Variants in SLC2A13 observed in about 807,000 individuals in gnomAD.
SLC2A13 encodes solute carrier family 2 member 13, also known as proton myo-inositol cotransporter.
A neutral mutation model predicts 64.4 loss-of-function variants in SLC2A13; 32 were observed. The ratio of observed to expected loss-of-function variants is 0.50; its 90% CI spans 0.37 to 0.67. The LOEUF (loss-of-function observed/expected upper bound fraction) is 0.67. Ranked by LOEUF, SLC2A13 falls within the 30% of genes least tolerant of loss-of-function variation. The probability of loss-of-function intolerance (pLI) is 0.00; values close to 1 mark genes in which losing one functional copy is unlikely to be tolerated. For synonymous variants in SLC2A13, 338 were observed against 327.1 expected, an observed-to-expected ratio of 1.03 and a Z score of -0.36; for missense variants, 743 against 829.2, an observed-to-expected ratio of 0.90 and a Z score of 1.28.
chr12:40,019,304 T>A (rs1181881400), intron 3 of SLC2A13, among the ~76,000 whole-genome samples: 1 of 152,260 alleles, frequency 6.6e-6, no homozygotes. Flanking sequence ...AAGGATATTC[T>A]TAAGGACATT....
chr12:39,979,050 C>T (rs1946831175), intron 3 of SLC2A13, among the ~76,000 whole-genome samples: 1 of 151,788 alleles, frequency 6.6e-6, no homozygotes, highest in Non-Finnish European at 1.5e-5. Flanking sequence ...GAGGCACCCC[C>T]CAGCAGCGGC....
At chr12:39,990,819 G>A (rs1468684033) in intron 3 of SLC2A13, among the ~76,000 whole-genome samples, 1 of 152,118 alleles carries the variant, frequency 6.6e-6, no homozygotes, top group Non-Finnish European at 1.5e-5. Flanking sequence ...TACAACAAAA[G>A]CTCTAATCAG....
intron 6 of SLC2A13, among the ~76,000 whole-genome samples, chr12:39,856,082 T>C (rs1943599842): frequency 6.6e-6 from 1 of 152,186 alleles, no homozygotes; most frequent in Non-Finnish European, 1.5e-5. Context: ...GCTTGGATGC[T>C]TCCTAAATCA....
intron 3 of SLC2A13, among the ~76,000 whole-genome samples, chr12:40,021,371 A>G (rs1042175751): frequency 5.3e-5 from 8 of 152,224 alleles, no homozygotes; most frequent in African/African-American, 1.9e-4. Context: ...ATTTAAAGCC[A>G]TATTGAATGA....
intron 4 of SLC2A13, among the ~76,000 whole-genome samples, chr12:39,892,040 A>G (rs1944623921): frequency 6.6e-6 from 1 of 152,224 alleles, no homozygotes; most frequent in Non-Finnish European, 1.5e-5. Context: ...TATAAAGAAG[A>G]GAAGATCTAT....
intron 7 of SLC2A13, among the ~76,000 whole-genome samples, chr12:39,798,175 C>T (rs1181727645): frequency 6.6e-6 from 1 of 152,180 alleles, no homozygotes; most frequent in Non-Finnish European, 1.5e-5. Flanking sequence ...CGGACAACAA[C>T]CAGCATTAAC....
At chr12:39,981,867 C>T (rs1435414541) in intron 3 of SLC2A13, among the ~76,000 whole-genome samples, 1 of 113,030 alleles carries the variant, frequency 8.8e-6, no homozygotes, top group African/African-American at 3.5e-5. Context: ...GGCAGAGACA[C>T]AACCAAAAAA....
chr12:40,001,029 G>T (rs1309709056), intron 3 of SLC2A13, among the ~76,000 whole-genome samples: 4 of 152,178 alleles, frequency 2.6e-5, no homozygotes, highest in African/African-American at 9.7e-5. Flanking sequence ...ATAAGAGAGG[G>T]CATGGACACT....
intron 6 of SLC2A13, among the ~76,000 whole-genome samples, chr12:39,861,766 G>A (rs955971350): frequency 1.3e-5 from 2 of 152,174 alleles, no homozygotes; most frequent in Middle Eastern, 3.2e-3. Context: ...GGGACCCTAT[G>A]ACAGCTTTTA....
intron 6 of SLC2A13, among the ~76,000 whole-genome samples, chr12:39,840,253 C>A (rs1048961329): frequency 2.0e-5 from 3 of 151,860 alleles, no homozygotes; most frequent in African/African-American, 7.3e-5. Flanking sequence ...CCACCACGCC[C>A]AGCCTTGTAC....
chr12:40,009,555 G>A (rs994063992), intron 3 of SLC2A13, among the ~76,000 whole-genome samples: 3 of 152,060 alleles, frequency 2.0e-5, no homozygotes, highest in East Asian at 1.9e-4. Flanking sequence ...TCAGCCACCC[G>A]AGTATCTGGG....
chr12:39,852,757 C>T (rs1299619545), intron 6 of SLC2A13, among the ~76,000 whole-genome samples: 1 of 152,148 alleles, frequency 6.6e-6, no homozygotes, highest in African/African-American at 2.4e-5. Context: ...ATGGAAAGTA[C>T]CTCTGATTGG....
intron 7 of SLC2A13, among the ~76,000 whole-genome samples, chr12:39,827,906 G>C (rs991628991): frequency 2.6e-5 from 4 of 152,010 alleles, no homozygotes; most frequent in Non-Finnish European, 5.9e-5. Flanking sequence ...GCTACAGTTA[G>C]AGATCAGGAT....
intron 7 of SLC2A13, among the ~76,000 whole-genome samples, chr12:39,773,945 AG>A (rs1208989596): frequency 6.6e-6 from 1 of 152,198 alleles, no homozygotes; most frequent in African/African-American, 2.4e-5. Flanking sequence ...TTCATTACTG[AG>A]GAGTGTCAGT....
chr12:40,003,908 G>A (rs1289578851), intron 3 of SLC2A13, among the ~76,000 whole-genome samples: 3 of 151,744 alleles, frequency 2.0e-5, no homozygotes, highest in South Asian at 2.1e-4. Flanking sequence ...AAGGAGAATC[G>A]CTAGAACCCA....
chr12:39,926,109 G>C (rs1186185807), intron 4 of SLC2A13, among the ~76,000 whole-genome samples: 1 of 152,070 alleles, frequency 6.6e-6, no homozygotes, highest in African/African-American at 2.4e-5. Context: ...ATCTGTTGAA[G>C]AGAACCTTAA....
intron 7 of SLC2A13, among the ~76,000 whole-genome samples, chr12:39,822,984 T>C (rs1247867844): frequency 6.6e-6 from 1 of 152,170 alleles, no homozygotes; most frequent in African/African-American, 2.4e-5. Context: ...ATAAATAGTA[T>C]CCGAGTCTGC....
chr12:39,916,564 C>T (rs994048645), intron 4 of SLC2A13, among the ~76,000 whole-genome samples: 7 of 151,930 alleles, frequency 4.6e-5, no homozygotes, highest in South Asian at 2.1e-4. Context: ...TTTTCTTTTT[C>T]GTGTTACGAG....
chr12:40,057,606 C>T (rs12313568), intron 1 of SLC2A13, among the ~76,000 whole-genome samples: 2,081 of 152,178 alleles, frequency 0.014, 47 homozygotes, highest in African/African-American at 0.046. Context: ...TCCAGTGGTT[C>T]TATTTTCTTA....
Sources: allele counts gnomAD v4.1 joint callset (sites outside exome capture counted in the v4.1 genomes callset), GRCh38; gene constraint gnomAD v4.1.1; transcripts MANE v1.5; gene names NCBI Gene and HGNC (gene_info 2026-07-23, HGNC 2026-07-21).